Variants in LMAN2 observed in about 807,000 individuals in gnomAD.
The protein encoded by LMAN2 is vesicular integral-membrane protein VIP36.
In LMAN2, 22 loss-of-function variants were observed where a neutral mutation model predicts 39.3. The ratio of observed to expected loss-of-function variants is 0.56; its 90% CI spans 0.40 to 0.80. The LOEUF (loss-of-function observed/expected upper bound fraction) is 0.80. Ranked by LOEUF, LMAN2 falls within the 30% of genes least tolerant of loss-of-function variation. The pLI, the probability that LMAN2 is intolerant of heterozygous loss-of-function variation, is 0.00. For missense variants in LMAN2, 494 were observed against 505.4 expected (o/e 0.98, Z 0.22); for synonymous variants, 207 against 207.8 (o/e 1.00, Z 0.03).
chr5:177,334,317 C>G lies in LMAN2; in HGVS notation c.877G>C (p.Glu293Gln), dbSNP rs1761436908. The G allele has an allele frequency of 1.9e-6, 3 of 1,612,784 alleles. No homozygotes were observed. The highest frequency in any genetic ancestry group is 2.2e-5 in the East Asian group (1 of 44,894). The change falls in exon 7 of 8, where the codon GAG becomes CAG. Residue 293 changes from glutamate (E) to glutamine (Q), a missense_variant. Physicochemically the swap from Glu to Gln is conservative, Grantham distance 29. Transcript: ENST00000303127. ...GACTTGAGGAAGTTGACGCTGGGCTCGATCTTGGTCCAGTCGATGCTCTCC... is the reference window on the plus strand; with the variant it reads ...GACTTGAGGAAGTTGACGCTGGGCTGGATCTTGGTCCAGTCGATGCTCTCC... ...DEESIDWTKIEPSVNFLKSPK... is the reference protein window; with the variant it reads ...DEESIDWTKIQPSVNFLKSPK...
intron 6 of LMAN2, 114 bp from the exon 7 acceptor site, chr5:177,334,517 T>A: frequency 1.4e-6 from 2 of 1,433,874 alleles, no homozygotes; most frequent in Admixed American, 2.4e-5. Flanking sequence ...GCCAGGCCCC[T>A]GGGGAGAGCA....
intron 1 of LMAN2, 48 bp from the exon 2 acceptor site, chr5:177,351,339 C>G (rs775546204): frequency 4.9e-5 from 79 of 1,605,256 alleles, no homozygotes; most frequent in Non-Finnish European, 2.3e-5. Flanking sequence ...ACTGGCCTCA[C>G]CAGAGGCAGG....
rs1761484924 is a variant in LMAN2 at position 177,337,117 on chromosome 5, C to T, written c.790+19G>A. The T allele has an allele frequency of 8.8e-6, 14 of 1,592,766 alleles. No homozygotes were observed. Among genetic ancestry groups the T allele is most frequent in the Non-Finnish European group, 1.1e-5 (13 of 1,163,560 alleles). ...GGGTGAGCTGGGCTGGGAACCAACG[C>T]CTGGCCCGGCCCACTCACCAGACAG... On this transcript the variant is annotated intron_variant, in intron 6 of 7. Transcript: ENST00000303127. This position sits in a 1 kb window ranked among gnomAD's most constrained non-coding sequence, Gnocchi z 8.2.
chr5:177,345,736 C>CTTATTTATTTATTTATTTATTT (rs1561606912), intron 2 of LMAN2, among the ~76,000 whole-genome samples: 4 of 135,476 alleles, frequency 3.0e-5, no homozygotes, highest in South Asian at 2.4e-4. Context: ...CCATGGCATG[C>CTTATTTATTTATTTATTTATTT]ATTTATTTAT....
At position 177,337,158 on chromosome 5, in the gene LMAN2, G is replaced by A. The variant is rs762638868; in HGVS notation, c.768C>T (p.Ser256=). ...CACCAGACAGGTCGCCGGTGCCGGC[G>A]GAGGCCCCGAAGTAGTAGCCGGTGG... ...RLPTGYYFGA[S]AGTGDLSDNH... The change falls in exon 6 of 8, where the codon TCC becomes TCT. Residue 256 remains serine, a synonymous_variant. Transcript: ENST00000303127. The surrounding 1 kb of genome is among the most constrained non-coding windows in gnomAD (Gnocchi z 8.2). 6.8e-6 allele frequency: 11 copies of A among 1,613,542 alleles called. No homozygotes were observed. The highest frequency in any genetic ancestry group is 2.2e-5 in the South Asian group (2 of 91,088).
chr5:177,335,948 G>A (rs892773477), intron 6 of LMAN2, among the ~76,000 whole-genome samples: 1 of 152,182 alleles, frequency 6.6e-6, no homozygotes, highest in East Asian at 1.9e-4. Flanking sequence ...ACCACGGCCT[G>A]GTGACCAGTG....
Position 177,351,258 on chromosome 5 carries a change from A to G in LMAN2, c.230T>C (p.Phe77Ser), listed in dbSNP as rs1430195914. The G allele has an allele frequency of 6.2e-7, 1 of 1,614,108 alleles. No individual in the cohort carries two copies. The highest frequency in any genetic ancestry group is 8.5e-7 in the Non-Finnish European group (1 of 1,180,022). Residue 77 changes from phenylalanine (F) to serine (S), a missense_variant, in exon 2 of 8, where the codon TTC becomes TCC. By Grantham distance (155) the Phe-to-Ser change is radical. Coordinates refer to ENST00000303127, the MANE Select transcript of LMAN2 (RefSeq NM_006816.3). ...GCTCGTGAGCATAGTGCTGCCCTGGAAGTCCCAGAGGGGCATAGAGCTGGA... is the reference window on the plus strand; with the variant it reads ...GCTCGTGAGCATAGTGCTGCCCTGGGAGTCCCAGAGGGGCATAGAGCTGGA... ...VGSSSMPLWD[F>S]QGSTMLTSQY...
intron 2 of LMAN2, among the ~76,000 whole-genome samples, chr5:177,338,834 C>T (rs900403404): frequency 1.3e-5 from 2 of 152,172 alleles, no homozygotes; most frequent in African/African-American, 2.4e-5. Flanking sequence ...GCCAGTGTTC[C>T]AAGGCTGCCT....
In LMAN2 at chr5:177,332,646, T is replaced by C. The variant is rs1761406323; in HGVS notation, c.911-400A>G. On this transcript the variant is annotated intron_variant, in intron 7 of 7. Coordinates refer to ENST00000303127, the MANE Select transcript of LMAN2 (RefSeq NM_006816.3). This position sits in a 1 kb window ranked among gnomAD's most constrained non-coding sequence, Gnocchi z 6.3. ...CCTTTCTGGAGCAGCGCGGCCCTGG[T>C]CACAGGCTCTCCCAGCCCACAGCTG... Among the ~76,000 whole-genome samples, 1 of 152,068 alleles carries C rather than the reference T, an allele frequency of 6.6e-6. No individual in the cohort carries two copies. The highest frequency in any genetic ancestry group is 2.1e-4 in the South Asian group (1 of 4,832).
intron 2 of LMAN2, among the ~76,000 whole-genome samples, chr5:177,345,142 C>A (rs1241505020): frequency 6.7e-6 from 1 of 150,324 alleles, no homozygotes; most frequent in African/African-American, 2.5e-5. Flanking sequence ...GAGTTCACGA[C>A]CAGCCTAGTC....
At chr5:177,344,761 C>T (rs967360487) in intron 2 of LMAN2, among the ~76,000 whole-genome samples, 4 of 151,454 alleles carry the variant, frequency 2.6e-5, no homozygotes, top group Non-Finnish European at 5.9e-5. Context: ...CAAAAATTAG[C>T]CGGGTGCGGT....
chr5:177,342,141 C>G (rs2127317402), intron 2 of LMAN2, among the ~76,000 whole-genome samples: 1 of 152,116 alleles, frequency 6.6e-6, no homozygotes, highest in South Asian at 2.1e-4. Flanking sequence ...CCAAGGGCAC[C>G]TAGGATCTCT....
chr5:177,336,933 G>A, intron 6 of LMAN2: 1 of 588,746 alleles, frequency 1.7e-6, no homozygotes, highest in Admixed American at 3.0e-5. Flanking sequence ...ACAGAAGAAA[G>A]GAGGAGGAGG....
chr5:177,335,047 T>C (rs1761448804), intron 6 of LMAN2, among the ~76,000 whole-genome samples: 2 of 152,198 alleles, frequency 1.3e-5, no homozygotes, highest in African/African-American at 4.8e-5. Context: ...CACCCAATTG[T>C]AGAGATGAGG....
Position 177,351,257 on chromosome 5 carries a change from G to A in LMAN2, c.231C>T (p.Phe77=). ...VGSSSMPLWD[F]QGSTMLTSQY... ...GGCTCGTGAGCATAGTGCTGCCCTG[G>A]AAGTCCCAGAGGGGCATAGAGCTGG... Residue 77 remains phenylalanine, a synonymous_variant, in exon 2 of 8, where the codon TTC becomes TTT. Coordinates refer to ENST00000303127, the MANE Select transcript of LMAN2 (RefSeq NM_006816.3). The A allele has an allele frequency of 6.2e-7, 1 of 1,614,166 alleles. No individual in the cohort carries two copies. Among genetic ancestry groups the A allele is most frequent in the Non-Finnish European group, 8.5e-7 (1 of 1,180,038 alleles).
intron 2 of LMAN2, among the ~76,000 whole-genome samples, chr5:177,343,564 G>GAC (rs368470169): frequency 0.033 from 2,834 of 84,606 alleles, 61 homozygotes; most frequent in South Asian, 0.12. Flanking sequence ...ATGTGGTCTA[G>GAC]ACACACACAC....
chr5:177,334,349 G>A lies in LMAN2; in HGVS notation c.845C>T (p.Pro282Leu). ...GGTCCAGTCGATGCTCTCCTCGTCG[G>A]GCGTGTGCTCCACCATCAGCTGGAA... ...KLFQLMVEHT[P>L]DEESIDWTKI... Residue 282 changes from proline (P) to leucine (L), a missense_variant, in exon 7 of 8, where the codon CCC (proline) becomes CTC (leucine). Pro to Leu is a moderately conservative substitution (Grantham distance 98). Transcript: ENST00000303127. 6.2e-7 allele frequency: 1 copy of A among 1,613,702 alleles called. No homozygotes were observed. The highest frequency in any genetic ancestry group is 8.5e-7 in the Non-Finnish European group (1 of 1,180,020).
In LMAN2 at chr5:177,332,929, C is replaced by T. The variant is rs569788441; in HGVS notation, c.911-683G>A. ...CCTCCCTCCCTGACTGCGGCCCCCC[C>T]GACTCCACACTGTACAGTCTCCTCA... On this transcript the variant is annotated intron_variant, in intron 7 of 7. Coordinates refer to ENST00000303127, the MANE Select transcript of LMAN2 (RefSeq NM_006816.3). The surrounding 1 kb of genome is among the most constrained non-coding windows in gnomAD (Gnocchi z 6.3). 2.0e-5 allele frequency among the ~76,000 whole-genome samples: 3 copies of T among 151,968 alleles called. No individual in the cohort carries two copies. The highest frequency in any genetic ancestry group is 4.8e-5 in the African/African-American group (2 of 41,446).
chr5:177,342,400 C>T (rs1322383325), intron 2 of LMAN2, among the ~76,000 whole-genome samples: 2 of 152,038 alleles, frequency 1.3e-5, no homozygotes, highest in East Asian at 3.8e-4. Flanking sequence ...GAGCTCAAAC[C>T]TGGCCGGTTG....
Sources: gnomAD v4.1 joint callset for allele counts (sites outside exome capture counted in the v4.1 genomes callset) on GRCh38, gnomAD v4.1.1 for gene constraint, Gnocchi (gnomAD v3.1) non-coding constraint, MANE v1.5 for transcripts, NCBI Gene and HGNC (gene_info 2026-07-23, HGNC 2026-07-21) for gene names.